Variants in BRD4 observed in about 807,000 individuals in gnomAD.
BRD4 encodes the protein bromodomain-containing protein 4.
A neutral mutation model predicts 142.1 loss-of-function variants in BRD4; 16 were observed. The ratio of observed to expected loss-of-function variants is 0.11; its 90% CI spans 0.08 to 0.17. BRD4 has a LOEUF of 0.17. BRD4 is among the 10% of genes least tolerant of loss of function. The probability of loss-of-function intolerance (pLI) is 1.00; values close to 1 mark genes in which losing one functional copy is unlikely to be tolerated. For synonymous variants in BRD4, 833 were observed against 707.5 expected (o/e 1.18, Z -2.82); for missense variants, 1,424 against 1,810.9 (o/e 0.79, Z 3.88).
intron 1 of BRD4, among the ~76,000 whole-genome samples, chr19:15,304,050 C>T (rs1042242793): frequency 2.6e-5 from 4 of 152,180 alleles, no homozygotes; most frequent in African/African-American, 9.7e-5. Flanking sequence ...TCATCCGTCA[C>T]AGTGAAGGAT....
chr19:15,298,954 G>A (rs943582019), intron 1 of BRD4, among the ~76,000 whole-genome samples: 1 of 152,120 alleles, frequency 6.6e-6, no homozygotes. Context: ...ACCTTTACAG[G>A]TCACACCCCA....
At chr19:15,251,465 G>A (rs867352434) in intron 11 of BRD4, among the ~76,000 whole-genome samples, 30 of 127,342 alleles carry the variant, frequency 2.4e-4, no homozygotes, top group Non-Finnish European at 4.8e-4. Context: ...GCGGGGGCGC[G>A]GGCCTGCAAA....
In BRD4 at chr19:15,239,458, C is replaced by A. The variant is rs1457620834; in HGVS notation, c.3510G>T (p.Pro1170=). ...TGTCCTTGTCAGGGGCCCCTGGTGG[C>A]GGTGCGTTCTGCTCTGGGGGCCGGA... The part of the protein sequence containing the change: ...PVIRPPEQNA[P]PPGAPDKDKQ... Residue 1170 remains proline, a synonymous_variant, in exon 17 of 20, where the codon CCG becomes CCT. Coordinates refer to ENST00000679869, the MANE Select transcript of BRD4 (RefSeq NM_001379291.1). This position sits in a 1 kb window ranked among gnomAD's most constrained non-coding sequence, Gnocchi z 7.4. 6.2e-7 allele frequency: 1 copy of A among 1,614,096 alleles called. No individual in the cohort carries two copies. Among genetic ancestry groups the A allele is most frequent in the African/African-American group, 1.3e-5 (1 of 75,030 alleles).
At chr19:15,290,378 A>C (rs1280323425) in intron 1 of BRD4, among the ~76,000 whole-genome samples, 1 of 152,214 alleles carries the variant, frequency 6.6e-6, no homozygotes, top group Non-Finnish European at 1.5e-5. Flanking sequence ...TTACGTTAGA[A>C]AACAGAAATA....
intron 1 of BRD4, among the ~76,000 whole-genome samples, chr19:15,287,827 T>C (rs1322388298): frequency 6.6e-6 from 1 of 151,878 alleles, no homozygotes; most frequent in Non-Finnish European, 1.5e-5. Context: ...TGGAGTGCAG[T>C]GGTACGATCT....
intron 1 of BRD4, among the ~76,000 whole-genome samples, chr19:15,286,478 G>A (rs1196056329): frequency 1.3e-5 from 2 of 152,198 alleles, no homozygotes; most frequent in African/African-American, 4.8e-5. Context: ...ATGTCCAACA[G>A]AAATACAATG....
At position 15,248,986 on chromosome 19, in the gene BRD4, G is replaced by A. The variant is rs2047316470; in HGVS notation, c.2159-4224C>T. 1.3e-5 allele frequency: 7 copies of A among 530,352 alleles called. No individual in the cohort carries two copies. In the South Asian group the frequency reaches 1.3e-4, roughly 10 times the overall value. The allele number at this position is 530,352 out of a possible 1,614,324, so 32.9% of individuals were successfully genotyped here. The stretch of plus-strand genomic sequence containing the variant: ...GGATTGTCATCACCCTCCAGGAGAT[G>A]CCACCCACCCAGAGGACCCCAGAGA... On this transcript the variant is annotated intron_variant, in intron 11 of 19. Coordinates refer to ENST00000679869, the MANE Select transcript of BRD4 (RefSeq NM_001379291.1).
chr19:15,298,620 CAAAAAAAAAAAAAAAAAAAAAAAAAAAA>C (rs57719337), intron 1 of BRD4, among the ~76,000 whole-genome samples: 2 of 66,002 alleles, frequency 3.0e-5, no homozygotes, highest in Admixed American at 2.1e-4. Context: ...GACTCCAACT[CAAAAAAAAAAAAAAAAAAAAAAAAAAAA>C]AAAAAAAAAA....
intron 1 of BRD4, among the ~76,000 whole-genome samples, chr19:15,278,896 C>CA (rs1180758559): frequency 6.6e-6 from 1 of 151,964 alleles, no homozygotes; most frequent in Non-Finnish European, 1.5e-5. Flanking sequence ...GGCTGGAGTG[C>CA]AATAGCGTGA....
chr19:15,264,690 A>C lies in BRD4; in HGVS notation c.926T>G (p.Leu309Arg), dbSNP rs1230336455. ...CTTGGTGGTCTTGGGCTCCGGGGGC[A>C]GCGAGGGTGGCTCGTGAATGGGGTC... ...TIDPIHEPPS[L>R]PPEPKTTKLG... The change falls in exon 6 of 20, where the codon CTG becomes CGG. Residue 309 changes from leucine (L) to arginine (R), a missense_variant. Around this residue, in one of 16 missense-constraint regions of BRD4, gnomAD observed 86 missense variants for 79.9 expected, o/e 1.08. Transcript: ENST00000679869. 2 of 1,613,344 alleles carry C rather than the reference A, an allele frequency of 1.2e-6. No individual in the cohort carries two copies. Among genetic ancestry groups the C allele is most frequent in the Non-Finnish European group, 1.7e-6 (2 of 1,180,010 alleles).
intron 1 of BRD4, among the ~76,000 whole-genome samples, chr19:15,304,857 AC>A (rs750990145): frequency 6.6e-6 from 1 of 151,814 alleles, no homozygotes; most frequent in African/African-American, 2.4e-5. Flanking sequence ...CTCACCTTAT[AC>A]CCCCAAAAAA....
At chr19:15,252,954 A>G (rs1035535351) in intron 11 of BRD4, 2 of 187,904 alleles carry the variant, frequency 1.1e-5, no homozygotes, top group African/African-American at 4.7e-5. Flanking sequence ...AGGGTCCTCA[A>G]TCTTCCTTGG....
intron 11 of BRD4, among the ~76,000 whole-genome samples, chr19:15,250,058 G>A (rs975399373): frequency 6.6e-6 from 1 of 152,148 alleles, no homozygotes. Flanking sequence ...TAGCAGAGCG[G>A]ATGCCTCTGC....
intron 1 of BRD4, among the ~76,000 whole-genome samples, chr19:15,322,065 T>G (rs1478786073): frequency 6.6e-6 from 1 of 152,072 alleles, no homozygotes; most frequent in Non-Finnish European, 1.5e-5. Flanking sequence ...TGCCATCAAG[T>G]AGCATGGAAA....
At chr19:15,253,911 T>G in intron 11 of BRD4, 1 of 837,654 alleles carries the variant, frequency 1.2e-6, no homozygotes, top group Non-Finnish European at 1.8e-6. Flanking sequence ...TCATCCTCCA[T>G]GACCAGACCC....
intron 1 of BRD4, among the ~76,000 whole-genome samples, chr19:15,274,025 T>C (rs926225186): frequency 2.9e-4 from 44 of 152,176 alleles, no homozygotes; most frequent in African/African-American, 1.0e-3. Context: ...AATAATCCTA[T>C]TTTAAAAGCT....
At position 15,332,499 on chromosome 19, in the gene BRD4, C is replaced by CCAGCCG. The variant is rs1204120155; in HGVS notation, c.-250_-245dup. 1 of 105,924 alleles carries CCAGCCG rather than the reference C, an allele frequency of 9.4e-6. No individual in the cohort carries two copies. The highest frequency in any genetic ancestry group is 1.7e-5 in the Non-Finnish European group (1 of 60,398). The allele number at this position is 105,924 out of a possible 1,614,324, so 6.6% of individuals were successfully genotyped here. A position where few individuals can be genotyped will look rare whatever the true frequency, so the allele number is the denominator to read the frequency against. ...GCTGCGGGAGACCAGAACAAACAGC[C>CCAGCCG]CAGCCGCCGCCGCCGCCGCCGCCGC... On this transcript the variant is annotated 5_prime_UTR_variant, in exon 1 of 20. Transcript: ENST00000679869.
intron 1 of BRD4, among the ~76,000 whole-genome samples, chr19:15,322,130 A>G (rs1187751265): frequency 6.6e-6 from 1 of 152,178 alleles, no homozygotes; most frequent in Non-Finnish European, 1.5e-5. Flanking sequence ...ACATTTTATC[A>G]TGTACACAAC....
chr19:15,264,904 C>T (rs1051207841), intron 5 of BRD4, 138 bp from the exon 6 acceptor site: 1 of 1,365,206 alleles, frequency 7.3e-7, no homozygotes, highest in Non-Finnish European at 1.0e-6. Flanking sequence ...ATTGCACAGG[C>T]AAAGGGCCAA....
Sources: allele counts gnomAD v4.1 joint callset (sites outside exome capture counted in the v4.1 genomes callset), GRCh38; gene constraint gnomAD v4.1.1; regional missense constraint gnomAD v4.1.1; non-coding constraint Gnocchi (gnomAD v3.1); transcripts MANE v1.5; gene names NCBI Gene and HGNC (gene_info 2026-07-23, HGNC 2026-07-21).